The following CDC42BPA variants were observed in gnomAD, a reference collection of about 807,000 sequenced individuals.
CDC42BPA encodes CDC42 binding protein kinase alpha, also known as serine/threonine-protein kinase MRCK alpha.
In CDC42BPA, 80 loss-of-function variants were observed where a neutral mutation model predicts 223.5. The ratio of observed to expected loss-of-function variants is 0.36; its 90% CI spans 0.30 to 0.43. The LOEUF (loss-of-function observed/expected upper bound fraction) is 0.43, where lower values mean the gene tolerates loss of function less well. Ranked by LOEUF, CDC42BPA falls within the 20% of genes least tolerant of loss-of-function variation. The pLI is 1.00. For missense variants in CDC42BPA, 1,743 were observed against 2,099.9 expected, an observed-to-expected ratio of 0.83 and a Z score of 3.32; for synonymous variants, 694 against 718.6, an observed-to-expected ratio of 0.97 and a Z score of 0.55.
chr1:226,994,789 G>T lies in CDC42BPA; in HGVS notation c.5133+34C>A. 6.4e-7 allele frequency: 1 copy of T among 1,570,476 alleles called. No homozygotes were observed. Among genetic ancestry groups the T allele is most frequent in the Non-Finnish European group, 8.6e-7 (1 of 1,156,296 alleles). ...CCTGGGAAGATGCCCTAGTCTTTCT[G>T]ATACATGACGTCTCCGGAACCCTGC... On this transcript the variant is annotated intron_variant, in intron 36 of 36. Transcript: ENST00000366766. The surrounding 1 kb of genome is among the most constrained non-coding windows in gnomAD (Gnocchi z 4.0).
rs75578588 is a variant in CDC42BPA, at chr1:227,139,424, G to A, written c.1390+152C>T. The A allele has an allele frequency of 8.5e-4, 404 of 473,062 alleles. 4 individuals carry two copies. In the East Asian group the frequency reaches 0.01, roughly 12 times the overall value. 29.3% of individuals were successfully genotyped at this position (473,062 alleles called of 1,614,324 possible). A position where few individuals can be genotyped will look rare whatever the true frequency, so the allele number is the denominator to read the frequency against. On this transcript the variant is annotated intron_variant, in intron 10 of 36. Transcript: ENST00000366766. ...TTAACTGTGTGATTTTACATAAATGGTATTATGCTGTGTTCTGCATACATC... is the reference window on the plus strand; with the variant it reads ...TTAACTGTGTGATTTTACATAAATGATATTATGCTGTGTTCTGCATACATC...
rs1437585356 is a variant in CDC42BPA, at chr1:227,139,729, G to C, written c.1237C>G (p.Arg413Gly). Residue 413 changes from arginine (R) to glycine (G), a missense_variant, in exon 10 of 37, where the codon CGG (arginine) becomes GGG (glycine). Physicochemically the swap from Arg to Gly is moderately radical, Grantham distance 125 (BLOSUM62 -2). Around this residue, in one of 6 missense-constraint regions of CDC42BPA, gnomAD observed 464 missense variants for 488.0 expected, o/e 0.95. Transcript: ENST00000366766. Reference sequence around the variant, plus strand: ...CCAGCCGTAACTCTTAAACAGCTCCGATCAGAAAGTACACTGAAGAAAAGA... The same window carrying C: ...CCAGCCGTAACTCTTAAACAGCTCCCATCAGAAAGTACACTGAAGAAAAGA... ...TYTSSCVLSD[R>G]SCLRVTAGPT... The C allele has an allele frequency of 6.5e-7, 1 of 1,541,510 alleles. No homozygotes were observed. Among genetic ancestry groups the C allele is most frequent in the Non-Finnish European group, 8.7e-7 (1 of 1,150,224 alleles).
chr1:227,295,005 A>T (rs1354653713), intron 1 of CDC42BPA, among the ~76,000 whole-genome samples: 2 of 151,888 alleles, frequency 1.3e-5, no homozygotes, highest in Non-Finnish European at 2.9e-5. Flanking sequence ...AAAAATATTC[A>T]ACGGGTTAGC....
At chr1:227,060,038 T>TG (rs1675521278) in intron 21 of CDC42BPA, among the ~76,000 whole-genome samples, 2 of 144,948 alleles carry the variant, frequency 1.4e-5, no homozygotes, top group East Asian at 2.0e-4. Context: ...TTGTTTTTTT[T>TG]TTTTTTTTTT....
intron 1 of CDC42BPA, among the ~76,000 whole-genome samples, chr1:227,265,397 TG>T (rs1684814877): frequency 6.6e-6 from 1 of 151,934 alleles, no homozygotes; most frequent in Non-Finnish European, 1.5e-5. Flanking sequence ...GTACAGTACG[TG>T]GGGCATAAAA....
intron 1 of CDC42BPA, among the ~76,000 whole-genome samples, chr1:227,270,635 TTTAG>T (rs1236215461): frequency 6.6e-6 from 1 of 152,184 alleles, no homozygotes; most frequent in African/African-American, 2.4e-5. Flanking sequence ...CATCAGTAGC[TTTAG>T]TTACATTCAT....
intron 35 of CDC42BPA, 171 bp downstream of exon 35, chr1:227,004,820 TAAC>T: frequency 2.7e-6 from 2 of 729,480 alleles, no homozygotes; most frequent in Non-Finnish European, 5.1e-6. Context: ...ACTATTTTCT[TAAC>T]AACTGCATTT....
chr1:226,996,163 G>GT (rs1661558946), intron 35 of CDC42BPA, among the ~76,000 whole-genome samples: 1 of 152,180 alleles, frequency 6.6e-6, no homozygotes, highest in African/African-American at 2.4e-5. Flanking sequence ...CCTCGACACT[G>GT]GAACTGACTG....
chr1:227,182,420 G>C (rs1438266718), intron 5 of CDC42BPA, among the ~76,000 whole-genome samples: 1 of 152,106 alleles, frequency 6.6e-6, no homozygotes, highest in Non-Finnish European at 1.5e-5. Flanking sequence ...CTTGGGCTTG[G>C]TTTCCAGTCT....
At chr1:227,027,813 T>C (rs1035851941) in intron 30 of CDC42BPA, among the ~76,000 whole-genome samples, 2 of 152,230 alleles carry the variant, frequency 1.3e-5, no homozygotes, top group African/African-American at 4.8e-5. Flanking sequence ...CAAAGTATTC[T>C]ATAATTAAAA....
At chr1:227,303,467 G>A (rs1159963111) in intron 1 of CDC42BPA, among the ~76,000 whole-genome samples, 1 of 152,174 alleles carries the variant, frequency 6.6e-6, no homozygotes, top group Non-Finnish European at 1.5e-5. Context: ...GTTGTACTAA[G>A]AACATCCAAC....
In CDC42BPA at chr1:227,047,989, A is replaced by T. The variant is rs1672795682; in HGVS notation, c.3031T>A (p.Ser1011Thr). Reference protein sequence around the residue: ...PVKTVDSTPLSVHTPTLRKKG... With the variant: ...PVKTVDSTPLTVHTPTLRKKG... ...TTCCTTAAGGTTGGTGTGTGAACTG[A>T]AAGTGGAGTGGAGTCTACAGTCTGA... is the stretch of plus-strand genomic sequence containing the variant. The change falls in exon 23 of 37, where the codon TCA becomes ACA. Residue 1011 changes from serine to threonine, a missense_variant. Ser to Thr is a moderately conservative substitution (Grantham distance 58). Coordinates refer to ENST00000366766, the MANE Select transcript of CDC42BPA (RefSeq NM_001394014.1). 1 of 1,610,766 alleles carries T rather than the reference A, an allele frequency of 6.2e-7. No homozygotes were observed. The highest frequency in any genetic ancestry group is 1.3e-5 in the African/African-American group (1 of 74,934).
intron 15 of CDC42BPA, among the ~76,000 whole-genome samples, 154 bp downstream of exon 15, chr1:227,100,838 T>C (rs1050652509): frequency 6.6e-6 from 1 of 151,682 alleles, no homozygotes; most frequent in Non-Finnish European, 1.5e-5. Context: ...CCATTTGCTT[T>C]TCTATCATGC....
Position 227,317,279 on chromosome 1 carries a change from A to G in CDC42BPA, c.-97T>C. 7.7e-7 allele frequency: 1 copy of G among 1,305,288 alleles called. No individual in the cohort carries two copies. Among genetic ancestry groups the G allele is most frequent in the East Asian group, 2.4e-5 (1 of 42,498 alleles). 80.9% of individuals were successfully genotyped at this position (1,305,288 alleles called of 1,614,324 possible). A position where few individuals can be genotyped will look rare whatever the true frequency, so the allele number is the denominator to read the frequency against. ...TTAAAAGGTATGGTTTTAAAAATAAACCACTTGTTATTCAAACAACTGTCA... is the reference window on the plus strand; with the variant it reads ...TTAAAAGGTATGGTTTTAAAAATAAGCCACTTGTTATTCAAACAACTGTCA... On this transcript the variant is annotated 5_prime_UTR_variant, in exon 1 of 37. Transcript: ENST00000366766.
intron 16 of CDC42BPA, among the ~76,000 whole-genome samples, chr1:227,084,211 T>G (rs1010119208): frequency 2.0e-5 from 3 of 152,138 alleles, no homozygotes; most frequent in African/African-American, 7.2e-5. Flanking sequence ...AAGCAAAAAG[T>G]TCTTGCTTTA....
rs913249886 is a variant in CDC42BPA, at chr1:227,119,876, A to C, written c.1575T>G (p.Asp525Glu). ...EANAVRQELD[D>E]AFRQIKAYEK... The stretch of plus-strand genomic sequence containing the variant: ...CATAAGCCTTGATTTGTCTAAAAGC[A>C]TCATCTAGTTCTTGCCTCACAGCAT... The change falls in exon 12 of 37, where the codon GAT becomes GAG. Residue 525 changes from aspartate to glutamate, a missense_variant. Asp to Glu is a conservative substitution (Grantham distance 45). Coordinates refer to ENST00000366766, the MANE Select transcript of CDC42BPA (RefSeq NM_001394014.1). The C allele has an allele frequency of 2.5e-6, 4 of 1,604,742 alleles. No homozygotes were observed. The Admixed American group carries it at 6.8e-5, about 27-fold the overall frequency.
intron 1 of CDC42BPA, among the ~76,000 whole-genome samples, chr1:227,291,380 C>A (rs905309538): frequency 6.6e-6 from 1 of 152,098 alleles, no homozygotes. Context: ...GAAACCCCGT[C>A]TCTACTAAAA....
chr1:227,055,733 A>T (rs1453811346), intron 21 of CDC42BPA, among the ~76,000 whole-genome samples: 1 of 152,172 alleles, frequency 6.6e-6, no homozygotes, highest in Non-Finnish European at 1.5e-5. Flanking sequence ...TAAGTAGCAG[A>T]GATATTATAA....
intron 6 of CDC42BPA, among the ~76,000 whole-genome samples, chr1:227,156,386 C>G (rs1007427935): frequency 1.3e-5 from 2 of 150,906 alleles, no homozygotes; most frequent in Non-Finnish European, 2.9e-5. Flanking sequence ...AACTCCTGGG[C>G]TCAAGCAATT....
Sources: gnomAD v4.1 joint callset for allele counts (sites outside exome capture counted in the v4.1 genomes callset) on GRCh38, gnomAD v4.1.1 for gene constraint, gnomAD v4.1.1 regional missense constraint, Gnocchi (gnomAD v3.1) non-coding constraint, MANE v1.5 for transcripts, NCBI Gene and HGNC (gene_info 2026-07-23, HGNC 2026-07-21) for gene names.